The following TFEC variants were observed in gnomAD, a reference collection of about 807,000 sequenced individuals.
TFEC encodes class E basic helix-loop-helix protein 34.
In TFEC, 31 loss-of-function variants were observed where a neutral mutation model predicts 41.6. The ratio of observed to expected loss-of-function variants is 0.74; its 90% CI spans 0.56 to 1.01. The LOEUF (loss-of-function observed/expected upper bound fraction) is 1.01, where lower values mean the gene tolerates loss of function less well. Among genes scored for constraint, TFEC ranks in the 50% least tolerant of loss-of-function variants. TFEC has a pLI of 0.00. For synonymous variants in TFEC, 143 were observed against 140.6 expected (o/e 1.02, Z -0.12); for missense variants, 402 against 404.1 (o/e 0.99, Z 0.04).
chr7:116,129,618 A>G (rs1257402675), intron 1 of TFEC, among the ~76,000 whole-genome samples: 4 of 118,350 alleles, frequency 3.4e-5, no homozygotes, highest in Non-Finnish European at 4.9e-5. Context: ...TTTGACACTG[A>G]GTCTCACTCT....
intron 1 of TFEC, among the ~76,000 whole-genome samples, chr7:116,115,330 C>T (rs1424452723): frequency 6.6e-6 from 1 of 152,010 alleles, no homozygotes; most frequent in Non-Finnish European, 1.5e-5. Flanking sequence ...TCTTATACTT[C>T]TGTAGTAGAG....
chr7:116,009,511 T>C (rs932822398), intron 1 of TFEC, among the ~76,000 whole-genome samples: 1 of 152,152 alleles, frequency 6.6e-6, no homozygotes, highest in African/African-American at 2.4e-5. Context: ...ATTACTGCAA[T>C]GGACTCTGGA....
intron 3 of TFEC, among the ~76,000 whole-genome samples, chr7:116,038,306 C>T (rs1212084715): frequency 6.6e-6 from 1 of 151,930 alleles, no homozygotes. Flanking sequence ...ATCTCTGTGT[C>T]CTTTTCCCTT....
At chr7:116,118,234 T>G (rs1226190553) in intron 1 of TFEC, among the ~76,000 whole-genome samples, 1 of 151,842 alleles carries the variant, frequency 6.6e-6, no homozygotes, top group African/African-American at 2.4e-5. Context: ...CTACTGATGG[T>G]CAGTCTAACA....
intron 1 of TFEC, among the ~76,000 whole-genome samples, chr7:116,019,880 G>A (rs1795328604): frequency 6.6e-6 from 1 of 152,140 alleles, no homozygotes; most frequent in Non-Finnish European, 1.5e-5. Flanking sequence ...AGCAACTTGT[G>A]TGCTAACTTC....
intron 1 of TFEC, among the ~76,000 whole-genome samples, chr7:116,150,544 C>T (rs17244351): frequency 0.029 from 4,367 of 151,902 alleles, 72 homozygotes; most frequent in Middle Eastern, 0.041. Flanking sequence ...TATGACCTAC[C>T]TTTCTGCTTG....
intron 1 of TFEC, among the ~76,000 whole-genome samples, chr7:116,127,691 CAAAAAA>C (rs72053152): frequency 9.5e-6 from 1 of 105,126 alleles, no homozygotes; most frequent in Non-Finnish European, 2.1e-5. Context: ...GAGTCAGTGT[CAAAAAA>C]AAAAAAAAAA....
chr7:115,978,616 G>A (rs1351697711), intron 2 of TFEC, among the ~76,000 whole-genome samples: 1 of 152,074 alleles, frequency 6.6e-6, no homozygotes, highest in East Asian at 1.9e-4. Flanking sequence ...TATTAACTCT[G>A]AATTCAAAAT....
chr7:116,059,950 G>T (rs1339374519), intron 3 of TFEC, among the ~76,000 whole-genome samples: 1 of 151,838 alleles, frequency 6.6e-6, no homozygotes, highest in Non-Finnish European at 1.5e-5. Flanking sequence ...TTGTACTAAA[G>T]TTTTTATGAG....
At chr7:116,146,198 AG>A (rs1157702401) in intron 1 of TFEC, among the ~76,000 whole-genome samples, 1 of 152,184 alleles carries the variant, frequency 6.6e-6, no homozygotes, top group Non-Finnish European at 1.5e-5. Context: ...TACAAAGACA[AG>A]TAAGTCTCAG....
intron 3 of TFEC, among the ~76,000 whole-genome samples, chr7:116,095,181 C>A (rs1797422217): frequency 6.6e-6 from 1 of 152,134 alleles, no homozygotes; most frequent in Non-Finnish European, 1.5e-5. Flanking sequence ...AGAATGTAGT[C>A]TAATATTTGG....
intron 1 of TFEC, among the ~76,000 whole-genome samples, chr7:116,001,382 C>T (rs1316137151): frequency 1.3e-5 from 2 of 151,780 alleles, no homozygotes; most frequent in Non-Finnish European, 2.9e-5. Flanking sequence ...GTAGTGCCAG[C>T]GAATCGGGAG....
At chr7:116,085,910 C>T (rs958354064) in intron 3 of TFEC, among the ~76,000 whole-genome samples, 3 of 151,820 alleles carry the variant, frequency 2.0e-5, no homozygotes, top group African/African-American at 4.8e-5. Flanking sequence ...ATCCTTTTAA[C>T]CTCTCTTTCA....
At chr7:115,988,755 A>G (rs1793970489) in intron 1 of TFEC, among the ~76,000 whole-genome samples, 1 of 152,118 alleles carries the variant, frequency 6.6e-6, no homozygotes, top group African/African-American at 2.4e-5. Context: ...AACAAATGCC[A>G]AATGAAAACA....
At chr7:115,948,138 A>T (rs1280754335) in intron 6 of TFEC, among the ~76,000 whole-genome samples, 1 of 152,004 alleles carries the variant, frequency 6.6e-6, no homozygotes, top group Non-Finnish European at 1.5e-5. Flanking sequence ...CTCTCCCAAG[A>T]CTAAACCAGG....
chr7:116,049,519 A>AC (rs1261667298), intron 3 of TFEC, among the ~76,000 whole-genome samples: 18 of 152,148 alleles, frequency 1.2e-4, no homozygotes, highest in Admixed American at 9.8e-4. Context: ...AGACTCCCAC[A>AC]AATAATAATG....
chr7:116,016,703 G>A (rs1795205274), intron 1 of TFEC, among the ~76,000 whole-genome samples: 1 of 151,026 alleles, frequency 6.6e-6, no homozygotes, highest in African/African-American at 2.4e-5. Context: ...ATAGTATATT[G>A]GATATATATA....
At chr7:115,980,382 C>G (rs1793572346) in intron 2 of TFEC, among the ~76,000 whole-genome samples, 1 of 152,176 alleles carries the variant, frequency 6.6e-6, no homozygotes, top group Admixed American at 6.5e-5. Context: ...ATGTTGACAT[C>G]ACAGAGAACT....
Position 116,056,790 on chromosome 7 carries a change from C to T in TFEC, c.198+53918G>A, listed in dbSNP as rs569461778. ...ATAAGGTAAAATTCATGATATCTGG[C>T]ATCCAATAAAAATGATCAGGCATAC... On this transcript the variant is annotated intron_variant, in intron 3 of 8. Coordinates refer to the TFEC transcript ENST00000484212. Among the ~76,000 whole-genome samples, 5 of 152,086 alleles carry T rather than the reference C, an allele frequency of 3.3e-5. No homozygotes were observed. The East Asian group carries it at 9.7e-4, about 29-fold the overall frequency.
Sources: gnomAD v4.1 joint callset for allele counts (sites outside exome capture counted in the v4.1 genomes callset) on GRCh38, gnomAD v4.1.1 for gene constraint, MANE v1.5 for transcripts, NCBI Gene and HGNC (gene_info 2026-07-23, HGNC 2026-07-21) for gene names.